IGF1R: variants seen among roughly 807,000 people sequenced by gnomAD.
IGF1R encodes the protein insulin like growth factor 1 receptor, also known as insulin-like growth factor 1 receptor.
In IGF1R, 44 loss-of-function variants were observed where a neutral mutation model predicts 144.6. That is an observed-to-expected ratio of 0.30 (90% CI 0.24 to 0.39). The LOEUF (loss-of-function observed/expected upper bound fraction) is 0.39. Among genes scored for constraint, IGF1R ranks in the 10% least tolerant of loss-of-function variants. IGF1R has a pLI of 1.00. For missense variants in IGF1R, 1,355 were observed against 1,833.7 expected (o/e 0.74, Z 4.77); for synonymous variants, 795 against 722.8 (o/e 1.10, Z -1.60).
intron 2 of IGF1R, among the ~76,000 whole-genome samples, chr15:98,776,880 G>A (rs1014690658): frequency 2.0e-5 from 3 of 152,152 alleles, no homozygotes; most frequent in African/African-American, 4.8e-5. Context: ...TGCTCTCATC[G>A]TCTCAGGTAT....
At chr15:98,689,559 G>T (rs935819966) in intron 1 of IGF1R, among the ~76,000 whole-genome samples, 1 of 151,862 alleles carries the variant, frequency 6.6e-6, no homozygotes, top group Non-Finnish European at 1.5e-5. Flanking sequence ...AGATGCCATT[G>T]TTGAGGATCC....
intron 1 of IGF1R, among the ~76,000 whole-genome samples, chr15:98,677,530 G>A (rs557600724): frequency 1.3e-4 from 20 of 152,146 alleles, no homozygotes; most frequent in Non-Finnish European, 2.8e-4. Flanking sequence ...AGGCCGACAG[G>A]GGCTGACTTT....
chr15:98,872,027 C>T (rs893033726), intron 2 of IGF1R, among the ~76,000 whole-genome samples: 1 of 152,198 alleles, frequency 6.6e-6, no homozygotes, highest in African/African-American at 2.4e-5. Context: ...CAGCCTCAGC[C>T]CCCACCCTAC....
intron 2 of IGF1R, among the ~76,000 whole-genome samples, chr15:98,754,634 C>G (rs145199319): frequency 2.6e-5 from 4 of 152,290 alleles, no homozygotes; most frequent in African/African-American, 9.6e-5. Context: ...CCAGGCAGCT[C>G]TTGGAAACCA....
intron 2 of IGF1R, among the ~76,000 whole-genome samples, chr15:98,851,880 G>A (rs531304463): frequency 1.3e-5 from 2 of 152,358 alleles, no homozygotes; most frequent in South Asian, 2.1e-4. Context: ...CCCTCCCAGT[G>A]AGATCACAGC....
intron 2 of IGF1R, among the ~76,000 whole-genome samples, chr15:98,737,370 G>C (rs1252034209): frequency 1.3e-5 from 2 of 152,110 alleles, no homozygotes; most frequent in Non-Finnish European, 2.9e-5. Flanking sequence ...TGGAGATTAG[G>C]AACCGAGCGA....
chr15:98,736,501 G>A (rs950966805), intron 2 of IGF1R, among the ~76,000 whole-genome samples: 1 of 151,986 alleles, frequency 6.6e-6, no homozygotes. Flanking sequence ...GGGTGATATC[G>A]TAACTTCGTG....
intron 1 of IGF1R, among the ~76,000 whole-genome samples, chr15:98,667,183 T>C (rs2052765082): frequency 6.9e-6 from 1 of 144,262 alleles, no homozygotes; most frequent in Non-Finnish European, 1.5e-5. Context: ...GTCAAACTCA[T>C]GCCACCGTAG....
intron 15 of IGF1R, among the ~76,000 whole-genome samples, chr15:98,934,540 C>A (rs1420261317): frequency 6.6e-6 from 1 of 152,174 alleles, no homozygotes; most frequent in African/African-American, 2.4e-5. Context: ...TGCTTTCTTT[C>A]CTATACTAGA....
Position 98,962,130 on chromosome 15 carries a change from C to G in IGF1R, c.*4688C>G, listed in dbSNP as rs559300127. ...CTCTGTGGCAAGATCACACTGAGAT[C>G]GATGGGTGAGAAGGCTAGGATGCTT... is the stretch of plus-strand genomic sequence containing the variant. On this transcript the variant is annotated 3_prime_UTR_variant, in exon 21 of 21. Coordinates refer to ENST00000650285, the MANE Select transcript of IGF1R (RefSeq NM_000875.5). 7 of 233,196 alleles carry G rather than the reference C, an allele frequency of 3.0e-5. No homozygotes were observed. The highest frequency in any genetic ancestry group is 6.6e-5 in the African/African-American group (3 of 45,342). 14.4% of individuals were successfully genotyped at this position (233,196 alleles called of 1,614,324 possible).
At chr15:98,823,978 TATACTC>T (rs2056846662) in intron 2 of IGF1R, among the ~76,000 whole-genome samples, 1 of 152,226 alleles carries the variant, frequency 6.6e-6, no homozygotes, top group Non-Finnish European at 1.5e-5. Flanking sequence ...TGTTGTTTCT[TATACTC>T]AGTCATTTGT....
chr15:98,844,468 G>C (rs1282379406), intron 2 of IGF1R, among the ~76,000 whole-genome samples: 1 of 151,976 alleles, frequency 6.6e-6, no homozygotes, highest in Non-Finnish European at 1.5e-5. Flanking sequence ...TGGGGTAGGG[G>C]GCGTGTCATG....
intron 2 of IGF1R, among the ~76,000 whole-genome samples, chr15:98,858,700 C>T (rs1319933031): frequency 6.6e-6 from 1 of 152,220 alleles, no homozygotes; most frequent in East Asian, 1.9e-4. Context: ...CTTCCTCCTC[C>T]ATTGTTCAGC....
chr15:98,679,981 A>G (rs1428839388), intron 1 of IGF1R, among the ~76,000 whole-genome samples: 1 of 152,152 alleles, frequency 6.6e-6, no homozygotes, highest in Non-Finnish European at 1.5e-5. Context: ...AAAAAAGCTT[A>G]TAGAATAAGA....
At chr15:98,693,650 G>T (rs187594241) in intron 1 of IGF1R, among the ~76,000 whole-genome samples, 1 of 152,314 alleles carries the variant, frequency 6.6e-6, no homozygotes, top group East Asian at 1.9e-4. Context: ...TTGTCACCCA[G>T]GCTGGAGTGC....
Position 98,908,756 on chromosome 15 carries a change from C to A in IGF1R, c.1319C>A (p.Thr440Asn). Residue 440 changes from threonine (T) to asparagine (N), a missense_variant, in exon 6 of 21, where the codon ACC becomes AAC. This residue lies in a region of IGF1R where 880 missense variants were observed against 1,202.7 expected (regional missense o/e 0.73). Transcript: ENST00000650285. ...QLWDWDHRNL[T>N]IKAGKMYFAF... ...TGGGACTGGGACCACCGCAACCTGA[C>A]CATCAAAGCAGGGAAAATGTACTTT... 1 of 1,614,128 alleles carries A rather than the reference C, an allele frequency of 6.2e-7. No homozygotes were observed. The highest frequency in any genetic ancestry group is 8.5e-7 in the Non-Finnish European group (1 of 1,180,006).
chr15:98,918,850 G>A (rs1240521724), intron 10 of IGF1R, among the ~76,000 whole-genome samples: 2 of 152,040 alleles, frequency 1.3e-5, no homozygotes. Context: ...TTGCACTCCA[G>A]CCTGGACAAC....
intron 2 of IGF1R, among the ~76,000 whole-genome samples, chr15:98,870,769 T>G (rs548647135): frequency 6.6e-6 from 1 of 152,276 alleles, no homozygotes. Context: ...GAATGCAACT[T>G]CCTTGATACA....
intron 2 of IGF1R, among the ~76,000 whole-genome samples, chr15:98,768,166 G>A (rs1192164156): frequency 1.3e-5 from 2 of 152,140 alleles, no homozygotes; most frequent in Non-Finnish European, 2.9e-5. Context: ...TACACCCTCA[G>A]GACCTTGGAT....
Sources: gnomAD v4.1 joint callset for allele counts (sites outside exome capture counted in the v4.1 genomes callset) on GRCh38, gnomAD v4.1.1 for gene constraint, gnomAD v4.1.1 regional missense constraint, MANE v1.5 for transcripts, NCBI Gene and HGNC (gene_info 2026-07-23, HGNC 2026-07-21) for gene names.